The following CSMD1 variants were observed in gnomAD, a reference collection of about 807,000 sequenced individuals.
CSMD1 encodes the protein CUB and Sushi multiple domains 1.
Under a neutral mutation model 417.5 loss-of-function variants are expected in CSMD1, and 213 were observed. The observed-to-expected ratio is 0.51, with a 90% CI of 0.46 to 0.57. CSMD1 has a LOEUF of 0.57. Ranked by LOEUF, CSMD1 falls within the 20% of genes least tolerant of loss-of-function variation. The pLI is 0.00. For missense variants in CSMD1, 6,923 were observed against 4,529.7 expected, an observed-to-expected ratio of 1.53 and a Z score of -15.17; for synonymous variants, 2,862 against 1,736.8, an observed-to-expected ratio of 1.65 and a Z score of -16.11.
chr8:3,906,976 C>A (rs148285054), intron 5 of CSMD1, among the ~76,000 whole-genome samples: 2 of 152,112 alleles, frequency 1.3e-5, no homozygotes, highest in African/African-American at 4.8e-5. Flanking sequence ...ACAACTGAAA[C>A]GCTTCAAACA....
intron 49 of CSMD1, among the ~76,000 whole-genome samples, chr8:3,073,887 G>A (rs1156592302): frequency 1.3e-5 from 2 of 151,964 alleles, no homozygotes; most frequent in African/African-American, 2.4e-5. Context: ...ACTGTTAGAT[G>A]TGCAAGAATT....
intron 39 of CSMD1, among the ~76,000 whole-genome samples, chr8:3,157,066 T>G (rs1819582232): frequency 6.6e-6 from 1 of 150,616 alleles, no homozygotes; most frequent in Admixed American, 6.6e-5. Flanking sequence ...CAACAATAGG[T>G]TTGGAGAAGC....
intron 5 of CSMD1, among the ~76,000 whole-genome samples, chr8:3,876,572 G>A (rs1017898393): frequency 6.6e-6 from 1 of 152,126 alleles, no homozygotes; most frequent in Non-Finnish European, 1.5e-5. Flanking sequence ...TCTAAAATGA[G>A]GTACTGGCTT....
At chr8:3,723,866 C>T (rs1163516003) in intron 6 of CSMD1, among the ~76,000 whole-genome samples, 2 of 152,210 alleles carry the variant, frequency 1.3e-5, no homozygotes, top group African/African-American at 2.4e-5. Context: ...CAAAATAGAC[C>T]AACACGTTTT....
At chr8:4,966,064 C>T (rs556708085) in intron 1 of CSMD1, among the ~76,000 whole-genome samples, 4 of 151,928 alleles carry the variant, frequency 2.6e-5, no homozygotes, top group East Asian at 3.9e-4. Flanking sequence ...TACCAATACT[C>T]GAATTGAAAG....
chr8:2,955,821 T>G lies in CSMD1; in HGVS notation c.9815-53A>C, dbSNP rs895639568. ...CTTTGTTTATTGTAAAGTTAGCACA[T>G]GTGTCTAGAGAAATTAATAGATTAA... On this transcript the variant is annotated intron_variant, in intron 63 of 69. Coordinates refer to ENST00000635120, the MANE Select transcript of CSMD1 (RefSeq NM_033225.6). 3.3e-6 allele frequency: 5 copies of G among 1,533,252 alleles called. No individual in the cohort carries two copies. The African/African-American group carries it at 6.9e-5, about 21-fold the overall frequency. 95.0% of individuals were successfully genotyped at this position (1,533,252 alleles called of 1,614,324 possible).
At chr8:4,779,472 A>C (rs1414846731) in intron 1 of CSMD1, among the ~76,000 whole-genome samples, 1 of 151,948 alleles carries the variant, frequency 6.6e-6, no homozygotes, top group Non-Finnish European at 1.5e-5. Flanking sequence ...TCATTAATTT[A>C]TTTTTTTCTT....
chr8:3,343,976 G>C (rs745436470), intron 22 of CSMD1, among the ~76,000 whole-genome samples: 5 of 152,114 alleles, frequency 3.3e-5, no homozygotes, highest in East Asian at 1.9e-4. Flanking sequence ...CTTTCATCTT[G>C]AATTTGAAAT....
chr8:3,162,968 G>A (rs1819988920), intron 37 of CSMD1, among the ~76,000 whole-genome samples: 1 of 152,096 alleles, frequency 6.6e-6, no homozygotes. Context: ...CTAAAACACT[G>A]AAACCTCTCT....
intron 7 of CSMD1, among the ~76,000 whole-genome samples, chr8:3,687,448 A>G (rs1180546435): frequency 6.6e-6 from 1 of 152,264 alleles, no homozygotes; most frequent in Non-Finnish European, 1.5e-5. Flanking sequence ...TTATGGAAGC[A>G]GAGCCTTTAT....
chr8:4,770,340 A>G (rs1361477451), intron 1 of CSMD1, among the ~76,000 whole-genome samples: 1 of 148,404 alleles, frequency 6.7e-6, no homozygotes, highest in Non-Finnish European at 1.5e-5. Flanking sequence ...AGAAATATAT[A>G]TATAATATGT....
chr8:4,229,143 C>G (rs977779628), intron 3 of CSMD1, among the ~76,000 whole-genome samples: 3 of 152,182 alleles, frequency 2.0e-5, no homozygotes, highest in African/African-American at 7.2e-5. Context: ...GAATAACTCC[C>G]TTTTTCTATT....
At chr8:4,387,932 C>T (rs918846654) in intron 3 of CSMD1, among the ~76,000 whole-genome samples, 1 of 151,982 alleles carries the variant, frequency 6.6e-6, no homozygotes, top group Non-Finnish European at 1.5e-5. Flanking sequence ...TATCGAGTAA[C>T]AACAAAGGAT....
At chr8:3,889,231 A>C (rs1806777123) in intron 5 of CSMD1, among the ~76,000 whole-genome samples, 2 of 151,816 alleles carry the variant, frequency 1.3e-5, no homozygotes, top group South Asian at 2.1e-4. Flanking sequence ...AATCAAATTT[A>C]ATAATGATAA....
At chr8:3,561,378 A>T (rs1340565374) in intron 10 of CSMD1, among the ~76,000 whole-genome samples, 1 of 152,222 alleles carries the variant, frequency 6.6e-6, no homozygotes, top group Non-Finnish European at 1.5e-5. Context: ...TCATAGAATC[A>T]ACTTAAGTGT....
chr8:4,377,017 G>T (rs1377328890), intron 3 of CSMD1, among the ~76,000 whole-genome samples: 2 of 152,326 alleles, frequency 1.3e-5, no homozygotes, highest in African/African-American at 4.8e-5. Context: ...AGGTACAGTG[G>T]CAAGTGGGAT....
intron 3 of CSMD1, among the ~76,000 whole-genome samples, chr8:4,276,002 A>T (rs1055863744): frequency 1.3e-5 from 2 of 152,200 alleles, no homozygotes; most frequent in African/African-American, 4.8e-5. Context: ...GAGAAATAGG[A>T]ATGCTTTTAC....
rs111320557 is a variant in CSMD1, at chr8:4,269,466, G to C, written c.415+150487C>G. ...GAAGTTTAATCAAGTATTTTTATCA[G>C]AGCTCATGTATTCTTTGACTTTTTT... On this transcript the variant is annotated intron_variant, in intron 3 of 69. Transcript: ENST00000635120. Among the ~76,000 whole-genome samples, 399 of 152,254 alleles carry C rather than the reference G, an allele frequency of 2.6e-3. 2 individuals carry two copies. The highest frequency in any genetic ancestry group is 7.2e-3 in the African/African-American group (299 of 41,552).
chr8:3,146,325 T>C (rs1430074469), intron 40 of CSMD1, among the ~76,000 whole-genome samples: 2 of 151,850 alleles, frequency 1.3e-5, no homozygotes, highest in Non-Finnish European at 2.9e-5. Context: ...ACAAGCCAAG[T>C]CTGTGAAAAG....
Sources: gnomAD v4.1 joint callset for allele counts (sites outside exome capture counted in the v4.1 genomes callset) on GRCh38, gnomAD v4.1.1 for gene constraint, MANE v1.5 for transcripts, NCBI Gene and HGNC (gene_info 2026-07-23, HGNC 2026-07-21) for gene names.